RBMS3: variants seen among roughly 807,000 people sequenced by gnomAD.
RBMS3 encodes the protein RNA binding motif single stranded interacting protein 3.
Under a neutral mutation model 66.8 loss-of-function variants are expected in RBMS3, and 27 were observed. The ratio of observed to expected loss-of-function variants is 0.40; its 90% CI spans 0.30 to 0.56. RBMS3 has a LOEUF of 0.56. Among genes scored for constraint, RBMS3 ranks in the 20% least tolerant of loss-of-function variants. RBMS3 has a pLI of 0.40. For missense variants in RBMS3, 513 were observed against 549.5 expected, an observed-to-expected ratio of 0.93 and a Z score of 0.66; for synonymous variants, 188 against 183.0, an observed-to-expected ratio of 1.03 and a Z score of -0.22.
intron 4 of RBMS3, among the ~76,000 whole-genome samples, chr3:29,605,534 G>C (rs2048294932): frequency 6.6e-6 from 1 of 151,858 alleles, no homozygotes; most frequent in Non-Finnish European, 1.5e-5. Context: ...GTAGATCCTG[G>C]TAGAAAAAGA....
intron 6 of RBMS3, among the ~76,000 whole-genome samples, chr3:29,790,522 A>G (rs1218485137): frequency 6.6e-6 from 1 of 152,076 alleles, no homozygotes; most frequent in African/African-American, 2.4e-5. Flanking sequence ...TCCTGTCTTG[A>G]TGGTTTTCTG....
intron 5 of RBMS3, 94 bp downstream of exon 5, chr3:29,739,971 A>T: frequency 6.3e-6 from 5 of 787,912 alleles, no homozygotes; most frequent in African/African-American, 2.1e-5. Flanking sequence ...GCAATAGAAT[A>T]TGCAAAAAAA....
At chr3:29,911,727 A>G (rs933249327) in intron 10 of RBMS3, among the ~76,000 whole-genome samples, 8 of 152,056 alleles carry the variant, frequency 5.3e-5, no homozygotes, top group Admixed American at 2.0e-4. Context: ...TTGCTAAGTT[A>G]TTCAAACAAT....
chr3:29,442,518 T>A (rs17023489), intron 2 of RBMS3, among the ~76,000 whole-genome samples: 1 of 152,112 alleles, frequency 6.6e-6, no homozygotes, highest in Non-Finnish European at 1.5e-5. Context: ...TAGTTTACGA[T>A]CTTGATGGTA....
chr3:29,818,130 G>T (rs980322118), intron 6 of RBMS3, among the ~76,000 whole-genome samples: 2 of 152,082 alleles, frequency 1.3e-5, no homozygotes, highest in Non-Finnish European at 2.9e-5. Flanking sequence ...TCGACATTGT[G>T]TTGTCTAAAT....
chr3:29,884,469 T>TCTCTAC (rs1553692501), intron 8 of RBMS3, among the ~76,000 whole-genome samples: 5 of 66,332 alleles, frequency 7.5e-5, no homozygotes, highest in African/African-American at 2.1e-4. Context: ...TCTCTCTCTC[T>TCTCTAC]CCCCCCCCGC....
chr3:29,411,024 C>T (rs1295122476), intron 1 of RBMS3, among the ~76,000 whole-genome samples: 1 of 149,888 alleles, frequency 6.7e-6, no homozygotes. Context: ...GGAAATTCAA[C>T]CACTTTTTTC....
intron 1 of RBMS3, among the ~76,000 whole-genome samples, chr3:29,411,793 T>C (rs1167209960): frequency 1.3e-5 from 2 of 152,230 alleles, no homozygotes; most frequent in Non-Finnish European, 2.9e-5. Flanking sequence ...GAATGGATCT[T>C]TTCCATCACC....
At chr3:29,312,779 G>A (rs531987168) in intron 1 of RBMS3, among the ~76,000 whole-genome samples, 37 of 150,936 alleles carry the variant, frequency 2.5e-4, no homozygotes, top group African/African-American at 9.7e-5. Flanking sequence ...TGCATGTGCC[G>A]TGACTCCCTG....
chr3:29,983,141 G>T (rs552960924), intron 12 of RBMS3, among the ~76,000 whole-genome samples: 12 of 151,946 alleles, frequency 7.9e-5, no homozygotes, highest in Non-Finnish European at 1.8e-4. Flanking sequence ...TTGTTGTATT[G>T]ATCCCTTTAC....
chr3:29,711,977 G>A (rs1211615849), intron 4 of RBMS3, among the ~76,000 whole-genome samples: 1 of 152,144 alleles, frequency 6.6e-6, no homozygotes, highest in Non-Finnish European at 1.5e-5. Context: ...GAGACACTGT[G>A]CTTTTAAGTG....
intron 1 of RBMS3, among the ~76,000 whole-genome samples, chr3:29,357,489 A>G (rs1036481904): frequency 6.6e-6 from 1 of 152,148 alleles, no homozygotes; most frequent in Non-Finnish European, 1.5e-5. Flanking sequence ...GGCGATTGTG[A>G]GTAGTGCCGC....
At chr3:29,994,680 C>G (rs1412339852) in intron 14 of RBMS3, among the ~76,000 whole-genome samples, 2 of 152,222 alleles carry the variant, frequency 1.3e-5, no homozygotes, top group Non-Finnish European at 2.9e-5. Context: ...CCTCACACGG[C>G]AGGGTATTCC....
At chr3:29,812,094 C>T (rs1384083686) in intron 6 of RBMS3, among the ~76,000 whole-genome samples, 2 of 152,026 alleles carry the variant, frequency 1.3e-5, no homozygotes, top group Non-Finnish European at 2.9e-5. Context: ...TTTCAAGTTC[C>T]ACTGAGATAT....
intron 3 of RBMS3, among the ~76,000 whole-genome samples, chr3:29,496,195 C>CAAAAAAAAAAAAAA (rs60639896): frequency 6.3e-5 from 7 of 110,434 alleles, no homozygotes; most frequent in Admixed American, 8.8e-5. Flanking sequence ...CCGCCCACAT[C>CAAAAAAAAAAAAAA]AAAAAAAAAA....
intron 1 of RBMS3, among the ~76,000 whole-genome samples, chr3:29,287,207 A>C (rs899475167): frequency 6.6e-6 from 1 of 152,138 alleles, no homozygotes; most frequent in Admixed American, 6.6e-5. Context: ...ACAGACATAT[A>C]ATACCATTTT....
At chr3:29,983,132 T>G (rs1368379502) in intron 12 of RBMS3, among the ~76,000 whole-genome samples, 1 of 152,212 alleles carries the variant, frequency 6.6e-6, no homozygotes, top group South Asian at 2.1e-4. Context: ...TAGCTCTTCT[T>G]GTTGTATTGA....
intron 3 of RBMS3, among the ~76,000 whole-genome samples, chr3:29,523,509 A>G (rs1290222620): frequency 6.6e-6 from 1 of 152,058 alleles, no homozygotes; most frequent in Non-Finnish European, 1.5e-5. Flanking sequence ...TCAAATATCC[A>G]GGGTTATTTC....
intron 4 of RBMS3, among the ~76,000 whole-genome samples, chr3:29,731,864 GTCTC>G: frequency 6.6e-6 from 1 of 151,418 alleles, no homozygotes; most frequent in African/African-American, 2.4e-5. Context: ...CCCACTGCAA[GTCTC>G]TCTCTGTCCT....
Sources: gnomAD v4.1 joint callset for allele counts (sites outside exome capture counted in the v4.1 genomes callset) on GRCh38, gnomAD v4.1.1 for gene constraint, MANE v1.5 for transcripts, NCBI Gene and HGNC (gene_info 2026-07-23, HGNC 2026-07-21) for gene names.